Variants in HELZ observed in about 807,000 individuals in gnomAD.
HELZ encodes helicase with zinc finger.
A neutral mutation model predicts 218.2 loss-of-function variants in HELZ; 23 were observed. The observed-to-expected ratio is 0.11, with a 90% CI of 0.08 to 0.15. The LOEUF is 0.15. Among genes scored for constraint, HELZ ranks in the 10% least tolerant of loss-of-function variants. The probability of loss-of-function intolerance (pLI) is 1.00; values close to 1 mark genes in which losing one functional copy is unlikely to be tolerated. For missense variants in HELZ, 1,813 were observed against 2,353.7 expected, an observed-to-expected ratio of 0.77 and a Z score of 4.75; for synonymous variants, 814 against 829.4, an observed-to-expected ratio of 0.98 and a Z score of 0.32.
chr17:67,214,943 A>G (rs2040557173), intron 5 of HELZ, among the ~76,000 whole-genome samples: 1 of 152,104 alleles, frequency 6.6e-6, no homozygotes, highest in African/African-American at 2.4e-5. Context: ...CCCAGGAGTA[A>G]GAGACCAGTC....
At position 67,075,212 on chromosome 17, in the gene HELZ, A is replaced by G. The variant is rs985761028; in HGVS notation, c.*3040T>C. 1 of 151,332 alleles carries G rather than the reference A, an allele frequency of 6.6e-6. No homozygotes were observed. Among genetic ancestry groups the G allele is most frequent in the Admixed American group, 6.6e-5 (1 of 15,170 alleles). 9.4% of individuals were successfully genotyped at this position (151,332 alleles called of 1,614,324 possible). A position where few individuals can be genotyped will look rare whatever the true frequency, so the allele number is the denominator to read the frequency against. On this transcript the variant is annotated 3_prime_UTR_variant, in exon 33 of 33. Coordinates refer to ENST00000358691, the MANE Select transcript of HELZ (RefSeq NM_014877.4). ...CATCCAAAATATCGTCTTTCAGGTTAAAAAAAAAGAAAATCTCAAGTAGCA... is the reference window on the plus strand; with the variant it reads ...CATCCAAAATATCGTCTTTCAGGTTGAAAAAAAAGAAAATCTCAAGTAGCA...
chr17:67,108,553 C>T lies in HELZ; in HGVS notation c.4663G>A (p.Val1555Met). ...CTGGTGAGCTTCCAGTCTGCCCTCA[C>T]TGGCGGCTGATGTAATCCCAGGGGC... ...QPPLGLHQPP[V>M]RADWKLTSSA... The change falls in exon 30 of 33, where the codon GTG becomes ATG. Residue 1555 changes from valine to methionine, a missense_variant. Around this residue, in one of 4 missense-constraint regions of HELZ, gnomAD observed 938 missense variants for 1,027.5 expected, o/e 0.91. Coordinates refer to ENST00000358691, the MANE Select transcript of HELZ (RefSeq NM_014877.4). The surrounding 1 kb of genome is among the most constrained non-coding windows in gnomAD (Gnocchi z 4.1). 6.2e-7 allele frequency: 1 copy of T among 1,614,166 alleles called. No homozygotes were observed. Among genetic ancestry groups the T allele is most frequent in the Non-Finnish European group, 8.5e-7 (1 of 1,180,026 alleles).
chr17:67,110,023 A>G (rs749163823), intron 28 of HELZ, among the ~76,000 whole-genome samples: 1 of 152,154 alleles, frequency 6.6e-6, no homozygotes, highest in Non-Finnish European at 1.5e-5. Context: ...TCTGATATAA[A>G]TCATTAAAAT....
rs1173405004 is a variant in HELZ at position 67,075,469 on chromosome 17, G to A, written c.*2783C>T. On this transcript the variant is annotated 3_prime_UTR_variant, in exon 33 of 33. Transcript: ENST00000358691. ...TATACATATATATGCATATATAAGG[G>A]TTGAACCTAGCATATAAGTTATGTT... is the stretch of plus-strand genomic sequence containing the variant. The A allele has an allele frequency of 6.6e-6, 1 of 152,058 alleles. No individual in the cohort carries two copies. The highest frequency in any genetic ancestry group is 2.1e-4 in the South Asian group (1 of 4,836). 9.4% of individuals were successfully genotyped at this position (152,058 alleles called of 1,614,324 possible).
chr17:67,194,134 T>C, intron 8 of HELZ, 92 bp from the exon 9 acceptor site: 5 of 842,050 alleles, frequency 5.9e-6, no homozygotes, highest in Non-Finnish European at 9.8e-6. Context: ...TCCCTCCACA[T>C]ACATCATCCC....
chr17:67,243,582 T>G lies in HELZ; in HGVS notation c.-76+202A>C, dbSNP rs527784363. Among the ~76,000 whole-genome samples, 32 of 152,342 alleles carry G rather than the reference T, an allele frequency of 2.1e-4. No homozygotes were observed. In the East Asian group the frequency reaches 5.8e-3, roughly 28 times the overall value. ...TTAGTTAAGTACCACTATGTTTGAG[T>G]ATGTTGGAGCAACTGAAAAGATTGG... On this transcript the variant is annotated intron_variant, in intron 2 of 32. Coordinates refer to ENST00000358691, the MANE Select transcript of HELZ (RefSeq NM_014877.4).
chr17:67,150,362 C>G (rs2038646332), intron 18 of HELZ, among the ~76,000 whole-genome samples: 1 of 151,978 alleles, frequency 6.6e-6, no homozygotes, highest in Admixed American at 6.6e-5. Flanking sequence ...CTCCTGGCCT[C>G]AAGTGATCCG....
intron 31 of HELZ, among the ~76,000 whole-genome samples, chr17:67,102,600 G>T (rs1182499039): frequency 6.6e-6 from 1 of 152,156 alleles, no homozygotes; most frequent in African/African-American, 2.4e-5. Context: ...TAACGTTAAA[G>T]AAATTATTTT....
At chr17:67,243,287 C>T (rs1164045587) in intron 2 of HELZ, among the ~76,000 whole-genome samples, 1 of 152,178 alleles carries the variant, frequency 6.6e-6, no homozygotes, top group East Asian at 1.9e-4. Context: ...AAAAGTACTA[C>T]TCCATTTTTC....
At chr17:67,092,427 A>AG (rs1227518553) in intron 31 of HELZ, among the ~76,000 whole-genome samples, 1 of 152,168 alleles carries the variant, frequency 6.6e-6, no homozygotes, top group African/African-American at 2.4e-5. Context: ...GGATAAAATT[A>AG]GGGGGGTTAA....
chr17:67,229,418 C>T (rs1352783142), intron 3 of HELZ, among the ~76,000 whole-genome samples: 1 of 152,136 alleles, frequency 6.6e-6, no homozygotes, highest in Non-Finnish European at 1.5e-5. Context: ...GCTCTCCTCC[C>T]AAAACTAAAA....
chr17:67,244,655 C>T, intron 1 of HELZ: 3 of 972,032 alleles, frequency 3.1e-6, no homozygotes, highest in Non-Finnish European at 3.7e-6. Flanking sequence ...GCACGCCTGA[C>T]CCACTTTTCC....
intron 21 of HELZ, among the ~76,000 whole-genome samples, chr17:67,143,277 A>T (rs896347433): frequency 6.6e-6 from 1 of 152,056 alleles, no homozygotes. Context: ...GTTATTATCC[A>T]TAGCTCCTCC....
At chr17:67,154,182 C>T (rs1387395609) in intron 17 of HELZ, among the ~76,000 whole-genome samples, 1 of 152,240 alleles carries the variant, frequency 6.6e-6, no homozygotes, top group Non-Finnish European at 1.5e-5. Context: ...AATCCAAGCA[C>T]TTTGGAAGCC....
intron 26 of HELZ, 58 bp downstream of exon 26, chr17:67,122,912 A>T (rs2037660419): frequency 7.6e-7 from 1 of 1,319,258 alleles, no homozygotes. Context: ...GATTAGAACC[A>T]TTTTAGTGAA....
chr17:67,108,394 G>T lies in HELZ; in HGVS notation c.4724+98C>A. ...TGGAAGGCCAGCATCCAATTTCTCT[G>T]AGGCAATATTCCAGCTTGAAGCTAA... On this transcript the variant is annotated intron_variant, in intron 30 of 32. Coordinates refer to ENST00000358691, the MANE Select transcript of HELZ (RefSeq NM_014877.4). The surrounding 1 kb of genome is among the most constrained non-coding windows in gnomAD (Gnocchi z 4.1). 1.2e-6 allele frequency: 1 copy of T among 863,128 alleles called. No homozygotes were observed. The highest frequency in any genetic ancestry group is 1.9e-6 in the Non-Finnish European group (1 of 537,128). The allele number at this position is 863,128 out of a possible 1,614,324, so 53.5% of individuals were successfully genotyped here.
intron 3 of HELZ, among the ~76,000 whole-genome samples, chr17:67,238,112 A>T (rs2041232462): frequency 6.6e-6 from 1 of 151,890 alleles, no homozygotes; most frequent in Non-Finnish European, 1.5e-5. Flanking sequence ...TTGGGAGGCC[A>T]AGGCAGGTGG....
intron 9 of HELZ, 115 bp from the exon 10 acceptor site, chr17:67,190,470 G>A (rs2039863093): frequency 8.1e-6 from 6 of 742,784 alleles, no homozygotes; most frequent in South Asian, 5.2e-5. Context: ...TGTGCTGAAA[G>A]GCCATATTTA....
At chr17:67,120,379 CAGG>C in intron 27 of HELZ, 23 bp downstream of exon 27, 8 of 1,585,852 alleles carry the variant, frequency 5.0e-6, no homozygotes, top group Non-Finnish European at 6.9e-6. Flanking sequence ...AGTTTATGAA[CAGG>C]AGAACAGCGA....
Sources: allele counts gnomAD v4.1 joint callset (sites outside exome capture counted in the v4.1 genomes callset), GRCh38; gene constraint gnomAD v4.1.1; regional missense constraint gnomAD v4.1.1; non-coding constraint Gnocchi (gnomAD v3.1); transcripts MANE v1.5; gene names NCBI Gene and HGNC (gene_info 2026-07-23, HGNC 2026-07-21).